PCLO: variants seen among roughly 807,000 people sequenced by gnomAD.
PCLO encodes piccolo presynaptic cytomatrix protein.
Under a neutral mutation model 427.5 loss-of-function variants are expected in PCLO, and 82 were observed. That is an observed-to-expected ratio of 0.19 (90% CI 0.16 to 0.23). The LOEUF (loss-of-function observed/expected upper bound fraction) is 0.23. Among genes scored for constraint, PCLO ranks in the 10% least tolerant of loss-of-function variants. The probability of loss-of-function intolerance (pLI) is 1.00; values close to 1 mark genes in which losing one functional copy is unlikely to be tolerated. For missense variants in PCLO, 6,239 were observed against 6,115.9 expected (o/e 1.02, Z -0.67); for synonymous variants, 2,357 against 2,155.4 (o/e 1.09, Z -2.59).
At chr7:82,852,469 T>C (rs1386959173) in intron 10 of PCLO, among the ~76,000 whole-genome samples, 2 of 152,140 alleles carry the variant, frequency 1.3e-5, no homozygotes. Flanking sequence ...CATCTTTCTC[T>C]AGTGATGGAT....
intron 22 of PCLO, among the ~76,000 whole-genome samples, chr7:82,761,946 A>AGATATGACTCTATCAAGG (rs1480302675): frequency 3.3e-5 from 5 of 152,086 alleles, no homozygotes; most frequent in Non-Finnish European, 5.9e-5. Context: ...CAATTCACAT[A>AGATATGACTCTATCAAGG]GATATGACTC....
intron 3 of PCLO, among the ~76,000 whole-genome samples, chr7:83,097,517 G>A (rs986927892): frequency 8.7e-6 from 1 of 114,978 alleles, no homozygotes; most frequent in African/African-American, 3.3e-5. Context: ...GCAAGACCCA[G>A]TCTCAAAAAT....
intron 1 of PCLO, 103 bp downstream of exon 1, chr7:83,162,242 A>G: frequency 2.3e-6 from 3 of 1,329,416 alleles, no homozygotes; most frequent in Non-Finnish European, 3.0e-6. Context: ...AAATGAACGG[A>G]GGCGACATAT....
chr7:82,987,076 G>C (rs1039108401), intron 3 of PCLO, among the ~76,000 whole-genome samples: 16 of 151,886 alleles, frequency 1.1e-4, no homozygotes, highest in Non-Finnish European at 1.8e-4. Flanking sequence ...AATGAATCAT[G>C]GTAGATGGTA....
intron 22 of PCLO, among the ~76,000 whole-genome samples, chr7:82,772,715 T>C (rs1054396269): frequency 6.9e-6 from 1 of 144,474 alleles, no homozygotes; most frequent in African/African-American, 2.9e-5. Flanking sequence ...GAAGAAAAGT[T>C]TTTTCTGATT....
intron 3 of PCLO, among the ~76,000 whole-genome samples, chr7:83,113,167 C>T (rs1009237556): frequency 1.3e-5 from 2 of 152,138 alleles, no homozygotes; most frequent in Non-Finnish European, 2.9e-5. Context: ...AGAAGGTCCT[C>T]TTATCATCAT....
At position 82,798,517 on chromosome 7, in the gene PCLO, A is replaced by G. The variant is rs1019154581; in HGVS notation, c.15007+3001T>C. On this transcript the variant is annotated intron_variant, in intron 22 of 24. Coordinates refer to ENST00000333891, the MANE Select transcript of PCLO (RefSeq NM_033026.6). ...TCAAGTACAACACAAAGTTGATTCC[A>G]TATTTCTACGTGGACAAAACAAAAT... Among the ~76,000 whole-genome samples, 192 of 152,308 alleles carry G rather than the reference A, an allele frequency of 1.3e-3. 1 individual carries two copies. The highest frequency in any genetic ancestry group is 4.6e-3 in the African/African-American group (191 of 41,570).
At chr7:82,857,199 C>T (rs1792830587) in intron 10 of PCLO, among the ~76,000 whole-genome samples, 1 of 152,028 alleles carries the variant, frequency 6.6e-6, no homozygotes, top group Admixed American at 6.6e-5. Flanking sequence ...CTTATGAATA[C>T]CATAATCATT....
chr7:82,783,966 C>T (rs1156994510), intron 22 of PCLO, among the ~76,000 whole-genome samples: 1 of 149,922 alleles, frequency 6.7e-6, no homozygotes, highest in East Asian at 2.0e-4. Flanking sequence ...CACATACATA[C>T]ATGAATCCGG....
At chr7:83,038,031 T>TA (rs1562932995) in intron 3 of PCLO, among the ~76,000 whole-genome samples, 27 of 17,234 alleles carry the variant, frequency 1.6e-3, no homozygotes, top group East Asian at 5.5e-3. Flanking sequence ...ATATATATAT[T>TA]TATATATTTA....
At chr7:82,966,807 GT>G (rs1376424499) in intron 3 of PCLO, among the ~76,000 whole-genome samples, 1 of 152,046 alleles carries the variant, frequency 6.6e-6, no homozygotes, top group African/African-American at 2.4e-5. Flanking sequence ...ATCTGCATTT[GT>G]TCCAAATAAA....
At chr7:82,999,525 A>T (rs1336104944) in intron 3 of PCLO, among the ~76,000 whole-genome samples, 1 of 66,744 alleles carries the variant, frequency 1.5e-5, no homozygotes, top group African/African-American at 6.7e-5. Context: ...ATAAAATATA[A>T]TATTATATTA....
chr7:83,115,329 C>T (rs1374762454), intron 3 of PCLO, among the ~76,000 whole-genome samples: 1 of 151,870 alleles, frequency 6.6e-6, no homozygotes, highest in Non-Finnish European at 1.5e-5. Context: ...AAAAATCATT[C>T]CACTTTCAAT....
intron 6 of PCLO, among the ~76,000 whole-genome samples, chr7:82,945,479 G>T (rs1420281717): frequency 6.6e-6 from 1 of 152,138 alleles, no homozygotes; most frequent in Admixed American, 6.5e-5. Context: ...CTTTACAGAG[G>T]TAATCAAGTT....
At chr7:82,930,906 T>C (rs1055835126) in intron 6 of PCLO, among the ~76,000 whole-genome samples, 5 of 152,252 alleles carry the variant, frequency 3.3e-5, no homozygotes, top group African/African-American at 7.2e-5. Flanking sequence ...TGGAACACCA[T>C]TGAACAGGAA....
chr7:82,801,634 C>T (rs745524331), intron 21 of PCLO, 43 bp from the exon 22 acceptor site: 3 of 1,193,930 alleles, frequency 2.5e-6, no homozygotes, highest in Non-Finnish European at 2.5e-6. Context: ...GTTATGATCT[C>T]ATGAATGCAA....
chr7:82,956,249 A>G lies in PCLO; in HGVS notation c.4704T>C (p.Asp1568=). ...ACTCATCATCTTCAGAACCTGAAGC[A>G]TCTTCATCAGCACTCATTTCTATGA... is the stretch of plus-strand genomic sequence containing the variant. ...KQIIEMSADE[D]ASGSEDDEFI... is the part of the protein sequence containing the mutation. The change falls in exon 5 of 25, where the codon GAT becomes GAC. Residue 1568 remains aspartate (D), a synonymous_variant. Coordinates refer to ENST00000333891, the MANE Select transcript of PCLO (RefSeq NM_033026.6). 1 of 1,611,886 alleles carries G rather than the reference A, an allele frequency of 6.2e-7. No homozygotes were observed. Among genetic ancestry groups the G allele is most frequent in the South Asian group, 1.1e-5 (1 of 91,084 alleles).
chr7:83,111,767 T>A (rs1179729126), intron 3 of PCLO, among the ~76,000 whole-genome samples: 1 of 152,238 alleles, frequency 6.6e-6, no homozygotes, highest in Non-Finnish European at 1.5e-5. Flanking sequence ...GTGCTAAATT[T>A]GTGGCAACTT....
At chr7:82,812,129 A>G (rs1562797030) in intron 20 of PCLO, among the ~76,000 whole-genome samples, 1 of 151,476 alleles carries the variant, frequency 6.6e-6, no homozygotes, top group Non-Finnish European at 1.5e-5. Flanking sequence ...TAAATCTCGT[A>G]TATTCACAGT....
Sources: allele counts gnomAD v4.1 joint callset (sites outside exome capture counted in the v4.1 genomes callset), GRCh38; gene constraint gnomAD v4.1.1; transcripts MANE v1.5; gene names NCBI Gene and HGNC (gene_info 2026-07-23, HGNC 2026-07-21).